Variants in CCNY observed in about 807,000 individuals in gnomAD.
The protein encoded by CCNY is cyclin-Y.
A neutral mutation model predicts 42.8 loss-of-function variants in CCNY; 19 were observed. That is an observed-to-expected ratio of 0.44 (90% CI 0.31 to 0.65). The LOEUF is 0.65. CCNY is among the 30% of genes least tolerant of loss of function. CCNY has a pLI of 0.07. For missense variants in CCNY, 370 were observed against 437.3 expected, an observed-to-expected ratio of 0.85 and a Z score of 1.37; for synonymous variants, 165 against 162.7, an observed-to-expected ratio of 1.01 and a Z score of -0.11.
intron 1 of CCNY, chr10:35,394,913 T>C (rs1837489613): frequency 1.1e-6 from 1 of 892,910 alleles, no homozygotes; most frequent in East Asian, 1.2e-4. Context: ...AATGGGAGTA[T>C]TGTAAAACTC....
At chr10:35,559,465 T>G (rs1380906791) in intron 8 of CCNY, among the ~76,000 whole-genome samples, 1 of 152,230 alleles carries the variant, frequency 6.6e-6, no homozygotes, top group Non-Finnish European at 1.5e-5. Flanking sequence ...ATCTTCTAGC[T>G]GAAGATTTAG....
intron 3 of CCNY, among the ~76,000 whole-genome samples, chr10:35,509,938 G>A (rs1840291390): frequency 6.6e-6 from 1 of 152,116 alleles, no homozygotes; most frequent in African/African-American, 2.4e-5. Context: ...AGTTCAGCAG[G>A]TGGCAGGTGT....
chr10:35,299,742 T>C (rs1835511076), intron 3 of CCNY, among the ~76,000 whole-genome samples: 1 of 152,250 alleles, frequency 6.6e-6, no homozygotes. Context: ...GCTTAATTCA[T>C]ATACATTTAG....
chr10:35,499,593 TAGGA>T (rs1840070306), intron 2 of CCNY, among the ~76,000 whole-genome samples: 1 of 152,220 alleles, frequency 6.6e-6, no homozygotes, highest in African/African-American at 2.4e-5. Context: ...AGTACCCATA[TAGGA>T]AGTGCTGGTA....
intron 1 of CCNY, among the ~76,000 whole-genome samples, chr10:35,465,836 C>T (rs1044754006): frequency 1.3e-5 from 2 of 151,592 alleles, no homozygotes; most frequent in African/African-American, 4.9e-5. Flanking sequence ...GGAGCACTGC[C>T]TATCATTGCT....
intron 7 of CCNY, among the ~76,000 whole-genome samples, chr10:35,543,348 T>A (rs1841043931): frequency 6.6e-6 from 1 of 152,178 alleles, no homozygotes; most frequent in South Asian, 2.1e-4. Context: ...CCTCTCCCAA[T>A]GGAGTCATAC....
At chr10:35,397,530 G>A (rs1837551824) in intron 1 of CCNY, among the ~76,000 whole-genome samples, 2 of 152,148 alleles carry the variant, frequency 1.3e-5, no homozygotes, top group Non-Finnish European at 2.9e-5. Flanking sequence ...CCCTGGATTG[G>A]GGAGGAGGAA....
chr10:35,563,420 G>C (rs968204059), intron 8 of CCNY, among the ~76,000 whole-genome samples: 1 of 152,168 alleles, frequency 6.6e-6, no homozygotes, highest in Admixed American at 6.5e-5. Flanking sequence ...TTATCAGGCT[G>C]TTCTCTTAGA....
chr10:35,446,759 G>GA (rs1838798039), intron 1 of CCNY, among the ~76,000 whole-genome samples: 1 of 152,166 alleles, frequency 6.6e-6, no homozygotes, highest in African/African-American at 2.4e-5. Flanking sequence ...CCCCTTGTGG[G>GA]ATCTGTGGGG....
At chr10:35,450,529 G>T (rs1838893301) in intron 1 of CCNY, among the ~76,000 whole-genome samples, 1 of 152,040 alleles carries the variant, frequency 6.6e-6, no homozygotes, top group Admixed American at 6.6e-5. Context: ...TGAGCTGACA[G>T]CCAAGTGGGG....
At chr10:35,456,302 A>G (rs1422887169) in intron 1 of CCNY, among the ~76,000 whole-genome samples, 1 of 152,178 alleles carries the variant, frequency 6.6e-6, no homozygotes, top group East Asian at 1.9e-4. Context: ...GTGCTTCTTG[A>G]GCACTCACAT....
chr10:35,255,066 C>T (rs59287215), intron 3 of CCNY, among the ~76,000 whole-genome samples: 55,364 of 151,748 alleles, frequency 0.36, 10,516 homozygotes, highest in African/African-American at 0.47. Flanking sequence ...CCTGTTGTTG[C>T]TGGGTAGACT....
intron 1 of CCNY, among the ~76,000 whole-genome samples, chr10:35,351,083 C>T (rs1836419501): frequency 1.3e-5 from 2 of 152,254 alleles, no homozygotes; most frequent in Middle Eastern, 3.4e-3. Flanking sequence ...GGAAAGTTAT[C>T]ATTATAAGAG....
chr10:35,275,758 G>A (rs547363123), intron 3 of CCNY, among the ~76,000 whole-genome samples: 4 of 151,018 alleles, frequency 2.6e-5, no homozygotes, highest in South Asian at 2.1e-4. Context: ...GCGAGACTCC[G>A]TCTCAAAAAA....
Position 35,439,536 on chromosome 10 carries a change from T to C in CCNY, c.155-43868T>C, listed in dbSNP as rs537464081. 7.3e-5 allele frequency among the ~76,000 whole-genome samples: 11 copies of C among 151,574 alleles called. 1 individual carries two copies. Among genetic ancestry groups the C allele is most frequent in the East Asian group, 3.9e-4 (2 of 5,168 alleles). ...GCTGCCTCTTTCTCTCTCTCTCTCTTTTTTTTTGTTTCAAGTGTGTGTGTG... is the reference window on the plus strand; with the variant it reads ...GCTGCCTCTTTCTCTCTCTCTCTCTCTTTTTTTGTTTCAAGTGTGTGTGTG... On this transcript the variant is annotated intron_variant, in intron 1 of 9. Coordinates refer to ENST00000374704, the MANE Select transcript of CCNY (RefSeq NM_145012.6).
At position 35,570,391 on chromosome 10, in the gene CCNY, G is replaced by C. The variant is rs1214959788; in HGVS notation, c.*1221G>C. ...AGAGAAGTTCTACAAAATTCAAACT[G>C]TGAAGGTTTATGCTTCATTAATTAT... On this transcript the variant is annotated 3_prime_UTR_variant, in exon 10 of 10. Transcript: ENST00000374704. 1 of 152,214 alleles carries C rather than the reference G, an allele frequency of 6.6e-6. No homozygotes were observed. The highest frequency in any genetic ancestry group is 1.5e-5 in the Non-Finnish European group (1 of 68,018). The allele number at this position is 152,214 out of a possible 1,614,324, so 9.4% of individuals were successfully genotyped here. A position where few individuals can be genotyped will look rare whatever the true frequency, so the allele number is the denominator to read the frequency against.
intron 1 of CCNY, among the ~76,000 whole-genome samples, chr10:35,432,206 T>A (rs1049367812): frequency 7.9e-5 from 12 of 152,244 alleles, no homozygotes; most frequent in African/African-American, 2.4e-4. Flanking sequence ...GCTCCGTGAC[T>A]TGCTGTTCTG....
intron 3 of CCNY, chr10:35,250,730 T>C (rs1355479310): frequency 1.3e-5 from 2 of 152,492 alleles, no homozygotes; most frequent in African/African-American, 2.4e-5. Context: ...ACTTAGCTTT[T>C]TCACACTTCT....
chr10:35,470,274 C>CA (rs1839365296), intron 1 of CCNY, among the ~76,000 whole-genome samples: 1 of 150,848 alleles, frequency 6.6e-6, no homozygotes, highest in Non-Finnish European at 1.5e-5. Context: ...GACGGACAGG[C>CA]AGGTGGAGAG....
Sources: gnomAD v4.1 joint callset for allele counts (sites outside exome capture counted in the v4.1 genomes callset) on GRCh38, gnomAD v4.1.1 for gene constraint, MANE v1.5 for transcripts, NCBI Gene and HGNC (gene_info 2026-07-23, HGNC 2026-07-21) for gene names.